Variants in ELMOD1 observed in about 807,000 individuals in gnomAD.
ELMOD1 encodes the protein ELMO domain containing 1.
In ELMOD1, 21 loss-of-function variants were observed where a neutral mutation model predicts 46.7. That is an observed-to-expected ratio of 0.45 (90% CI 0.32 to 0.65). The LOEUF (loss-of-function observed/expected upper bound fraction) is 0.65. ELMOD1 is among the 30% of genes least tolerant of loss of function. ELMOD1 has a pLI of 0.04. For missense variants in ELMOD1, 348 were observed against 407.8 expected, an observed-to-expected ratio of 0.85 and a Z score of 1.26; for synonymous variants, 122 against 138.2, an observed-to-expected ratio of 0.88 and a Z score of 0.82.
intron 6 of ELMOD1, 78 bp from the exon 7 acceptor site, chr11:107,647,390 C>T: frequency 7.2e-7 from 1 of 1,393,448 alleles, no homozygotes; most frequent in East Asian, 2.3e-5. Context: ...AAAGCTCCTC[C>T]TAATAATGTA....
chr11:107,599,733 C>G (rs1472225820), intron 1 of ELMOD1, among the ~76,000 whole-genome samples: 2 of 27,528 alleles, frequency 7.3e-5, no homozygotes, highest in Non-Finnish European at 1.1e-4. Context: ...CAGAGCGAGA[C>G]CTGTCTCAAA....
rs914692885 is a variant in ELMOD1, at chr11:107,618,955, T to G, written c.17+749T>G. ...GAATGTGAGAAAATACAACATACTT[T>G]CCAGAAGATCGGGCTTCTTTTCCTC... On this transcript the variant is annotated intron_variant, in intron 2 of 11. Transcript: ENST00000265840. 3.3e-5 allele frequency among the ~76,000 whole-genome samples: 5 copies of G among 152,348 alleles called. No individual in the cohort carries two copies. In the East Asian group the frequency reaches 9.6e-4, roughly 29 times the overall value.
chr11:107,645,318 C>CTGGTTTT (rs1866409479), intron 6 of ELMOD1, among the ~76,000 whole-genome samples: 1 of 150,910 alleles, frequency 6.6e-6, no homozygotes, highest in Admixed American at 6.6e-5. Context: ...TTCTCAGTTT[C>CTGGTTTT]TGGTTTTTGT....
rs758670150 is a variant in ELMOD1, at chr11:107,654,078, A to G, written c.648-94A>G. 5.9e-6 allele frequency: 6 copies of G among 1,010,162 alleles called. No homozygotes were observed. In the Admixed American group the frequency reaches 1.0e-4, roughly 17 times the overall value. The allele number at this position is 1,010,162 out of a possible 1,614,324, so 62.6% of individuals were successfully genotyped here. A position where few individuals can be genotyped will look rare whatever the true frequency, so the allele number is the denominator to read the frequency against. The stretch of plus-strand genomic sequence containing the variant: ...ATAATTGAGCTACAGACATCTCTGC[A>G]TATAGTTAACAGTTTTAACATAAGC... On this transcript the variant is annotated intron_variant, in intron 9 of 11. Coordinates refer to ENST00000265840, the MANE Select transcript of ELMOD1 (RefSeq NM_018712.4).
intron 2 of ELMOD1, among the ~76,000 whole-genome samples, chr11:107,622,732 G>A (rs949296578): frequency 6.6e-6 from 1 of 152,192 alleles, no homozygotes; most frequent in Admixed American, 6.5e-5. Context: ...AGTTGTTCCA[G>A]AATTTGATTA....
chr11:107,631,707 C>A, intron 5 of ELMOD1, 30 bp downstream of exon 5: 2 of 1,279,346 alleles, frequency 1.6e-6, no homozygotes, highest in South Asian at 1.4e-5. Context: ...GTCAAAAATA[C>A]AGAACACAAA....
chr11:107,600,448 C>T (rs1254026282), intron 1 of ELMOD1: 1 of 152,156 alleles, frequency 6.6e-6, no homozygotes, highest in Non-Finnish European at 1.5e-5. Context: ...CGTCATATCA[C>T]AGTTCTGCAA....
chr11:107,642,551 A>G (rs1866344819), intron 6 of ELMOD1, among the ~76,000 whole-genome samples: 2 of 151,910 alleles, frequency 1.3e-5, no homozygotes, highest in African/African-American at 4.8e-5. Flanking sequence ...TTGTATTTTT[A>G]GTAGAGACGG....
At chr11:107,615,336 A>G (rs1438948295) in intron 1 of ELMOD1, among the ~76,000 whole-genome samples, 1 of 145,132 alleles carries the variant, frequency 6.9e-6, no homozygotes, top group African/African-American at 2.6e-5. Flanking sequence ...CCCGGGTTCA[A>G]GCGATTCTCC....
chr11:107,644,244 T>A (rs1352311269), intron 6 of ELMOD1, among the ~76,000 whole-genome samples: 1 of 151,180 alleles, frequency 6.6e-6, no homozygotes, highest in Non-Finnish European at 1.5e-5. Context: ...TGCAGTGAGC[T>A]GAGATCATGC....
intron 8 of ELMOD1, among the ~76,000 whole-genome samples, 199 bp downstream of exon 8, chr11:107,650,602 G>C (rs563123810): frequency 6.6e-6 from 1 of 152,254 alleles, no homozygotes; most frequent in Admixed American, 6.5e-5. Context: ...AAGTGGCACC[G>C]TTCAGGTGAG....
At chr11:107,624,709 T>C (rs1452374643) in intron 2 of ELMOD1, among the ~76,000 whole-genome samples, 2 of 152,164 alleles carry the variant, frequency 1.3e-5, no homozygotes, top group Admixed American at 1.3e-4. Flanking sequence ...GTTAGTAAAT[T>C]AAGAGAAACC....
intron 6 of ELMOD1, among the ~76,000 whole-genome samples, chr11:107,638,721 A>T (rs1866270210): frequency 6.6e-6 from 1 of 152,240 alleles, no homozygotes; most frequent in Non-Finnish European, 1.5e-5. Flanking sequence ...TAATATTTGC[A>T]GTACAGCCAC....
chr11:107,614,857 T>C (rs1162165654), intron 1 of ELMOD1, among the ~76,000 whole-genome samples: 1 of 152,206 alleles, frequency 6.6e-6, no homozygotes, highest in Non-Finnish European at 1.5e-5. Flanking sequence ...TTATCTCTTA[T>C]ACATATTCTG....
At chr11:107,591,779 G>A in intron 1 of ELMOD1, 1 of 461,454 alleles carries the variant, frequency 2.2e-6, no homozygotes, top group Non-Finnish European at 4.5e-6. Context: ...GACAAGGGCG[G>A]CCTGGCTGGG....
rs138827317 is a variant in ELMOD1, at chr11:107,655,561, T to C, written c.699-372T>C. Among the ~76,000 whole-genome samples the C allele has an allele frequency of 1.8e-3, 254 of 141,428 alleles. 1 individual carries two copies. Among genetic ancestry groups the C allele is most frequent in the African/African-American group, 6.3e-3 (235 of 37,012 alleles). The allele number at this position is 141,428 out of a possible 152,430, so 92.8% of individuals were successfully genotyped here. ...AGTAAGTTAAATATCAGATTACCCA[T>C]TATTGAAATGCCTTTTTTTTTTTTT... On this transcript the variant is annotated intron_variant, in intron 10 of 11. Transcript: ENST00000265840.
chr11:107,655,573 C>CTTTT (rs746890763), intron 10 of ELMOD1, among the ~76,000 whole-genome samples: 3,383 of 112,324 alleles, frequency 0.03, 145 homozygotes, highest in South Asian at 0.064. Flanking sequence ...ATTGAAATGC[C>CTTTT]TTTTTTTTTT....
intron 1 of ELMOD1, chr11:107,592,178 G>A (rs986063893): frequency 1.6e-5 from 6 of 377,504 alleles, no homozygotes; most frequent in Non-Finnish European, 3.3e-5. Context: ...CGGCGAGTTC[G>A]GTAACACATC....
intron 10 of ELMOD1, among the ~76,000 whole-genome samples, chr11:107,654,962 G>T (rs1256780394): frequency 6.6e-6 from 1 of 151,952 alleles, no homozygotes; most frequent in Non-Finnish European, 1.5e-5. Flanking sequence ...CTCAGGTTCC[G>T]TTAATTTTTG....
Sources: allele counts gnomAD v4.1 joint callset (sites outside exome capture counted in the v4.1 genomes callset), GRCh38; gene constraint gnomAD v4.1.1; transcripts MANE v1.5; gene names NCBI Gene and HGNC (gene_info 2026-07-23, HGNC 2026-07-21).